The following PCSK9 variants were observed in gnomAD, a reference collection of about 807,000 sequenced individuals.
PCSK9 encodes convertase subtilisin/kexin type 9 preproprotein.
PCSK9 carries 57 observed loss-of-function variants against 62.1 expected under a neutral mutation model. The observed-to-expected ratio is 0.92, with a 90% CI of 0.74 to 1.14. The LOEUF is 1.14. PCSK9 is among the 50% of genes most tolerant of loss of function. The pLI is 0.00. For synonymous variants in PCSK9, 387 were observed against 409.4 expected, an observed-to-expected ratio of 0.95 and a Z score of 0.66; for missense variants, 870 against 959.8, an observed-to-expected ratio of 0.91 and a Z score of 1.24.
rs1644635525 is a variant in PCSK9 at position 55,046,508 on chromosome 1, C to T, written c.400-15C>T. The T allele has an allele frequency of 1.9e-6, 3 of 1,614,220 alleles. No individual in the cohort carries two copies. Among genetic ancestry groups the T allele is most frequent in the South Asian group, 1.1e-5 (1 of 91,090 alleles). ...TGGCTTAAGCAGAGTCCCCCGGCCTCTCTGGCTTCTGCAGGCCTTGAAGTT... is the reference window on the plus strand; with the variant it reads ...TGGCTTAAGCAGAGTCCCCCGGCCTTTCTGGCTTCTGCAGGCCTTGAAGTT... On this transcript the variant is annotated splice_polypyrimidine_tract_variant and intron_variant, in intron 2 of 11. Transcript: ENST00000302118.
intron 6 of PCSK9, 107 bp downstream of exon 6, chr1:55,056,296 T>A: frequency 8.2e-7 from 1 of 1,225,470 alleles, no homozygotes; most frequent in Non-Finnish European, 1.1e-6. Flanking sequence ...GGGCTTCTTG[T>A]GGCACGTTCC....
intron 3 of PCSK9, among the ~76,000 whole-genome samples, chr1:55,048,043 T>C (rs1644646648): frequency 6.6e-6 from 1 of 152,172 alleles, no homozygotes; most frequent in Non-Finnish European, 1.5e-5. Context: ...CTAGCACTGC[T>C]GTGACAAATT....
intron 3 of PCSK9, chr1:55,052,039 G>T: frequency 3.4e-6 from 2 of 583,500 alleles, no homozygotes; most frequent in Admixed American, 2.8e-5. Context: ...CTTGGCAGTA[G>T]CATTGCCAGC....
chr1:55,060,093 A>G (rs1183873032), intron 10 of PCSK9, among the ~76,000 whole-genome samples: 1 of 152,252 alleles, frequency 6.6e-6, no homozygotes, highest in Non-Finnish European at 1.5e-5. Flanking sequence ...ACATCTCTGT[A>G]TGAGGAAATG....
chr1:55,056,016 C>CGAATA lies in PCSK9; in HGVS notation c.823_824insGAATA (p.Gln275ArgfsTer74). The CGAATA allele has an allele frequency of 6.2e-7, 1 of 1,610,054 alleles. No homozygotes were observed. The highest frequency in any genetic ancestry group is 8.5e-7 in the Non-Finnish European group (1 of 1,177,620). ...AGGCCTGGAGTTTATTCGGAAAAGCCAGCTGGTCCAGCCTGTGGGGCCACT... is the reference window on the plus strand; with the variant it reads ...AGGCCTGGAGTTTATTCGGAAAAGCCGAATAAGCTGGTCCAGCCTGTGGGGCCACT... On this transcript the variant is annotated frameshift_variant, in exon 6 of 12. Transcript: ENST00000302118. LOFTEE classifies it high-confidence loss of function.
intron 11 of PCSK9, among the ~76,000 whole-genome samples, chr1:55,063,057 T>G (rs1644773678): frequency 6.6e-6 from 1 of 151,786 alleles, no homozygotes; most frequent in Admixed American, 6.6e-5. Context: ...TTAAGTGGGA[T>G]GGGGCAGGCT....
At position 55,063,772 on chromosome 1, in the gene PCSK9, C is replaced by T; in HGVS notation, c.*188C>T. 2 of 674,774 alleles carry T rather than the reference C, an allele frequency of 3.0e-6. No homozygotes were observed. The highest frequency in any genetic ancestry group is 4.9e-6 in the Non-Finnish European group (2 of 406,948). The allele number at this position is 674,774 out of a possible 1,614,324, so 41.8% of individuals were successfully genotyped here. A position where few individuals can be genotyped will look rare whatever the true frequency, so the allele number is the denominator to read the frequency against. ...CCTCCTTGCCTGGAACTCACTCACT[C>T]TGGGTGCCTCCTCCCCAGGTGGAGG... On this transcript the variant is annotated 3_prime_UTR_variant, in exon 12 of 12. Coordinates refer to ENST00000302118, the MANE Select transcript of PCSK9 (RefSeq NM_174936.4).
intron 2 of PCSK9, among the ~76,000 whole-genome samples, chr1:55,045,516 T>A (rs1255156311): frequency 6.6e-6 from 1 of 152,100 alleles, no homozygotes; most frequent in Non-Finnish European, 1.5e-5. Flanking sequence ...ATCCAGGGAC[T>A]AGTTGTGGCA....
At chr1:55,041,047 C>T (rs1644595260) in intron 1 of PCSK9, among the ~76,000 whole-genome samples, 1 of 152,208 alleles carries the variant, frequency 6.6e-6, no homozygotes, top group Non-Finnish European at 1.5e-5. Flanking sequence ...CTTGAGCCTC[C>T]ATTGCCTAAT....
chr1:55,059,719 C>A, intron 10 of PCSK9, 56 bp downstream of exon 10: 1 of 1,535,202 alleles, frequency 6.5e-7, no homozygotes, highest in Non-Finnish European at 8.8e-7. Flanking sequence ...CTTATGCACC[C>A]ACTGCCCGCG....
At chr1:55,054,250 G>C (rs190414826) in intron 5 of PCSK9, among the ~76,000 whole-genome samples, 1 of 152,188 alleles carries the variant, frequency 6.6e-6, no homozygotes, top group African/African-American at 2.4e-5. Flanking sequence ...CAGGCATGGT[G>C]GTGGGTGTCT....
Position 55,043,875 on chromosome 1 carries a change from G to A in PCSK9, c.240G>A (p.Val80=), listed in dbSNP as rs2100266566. ...DPWRLPGTYV[V]VLKEETHLSQ... ...GGAGGTTGCCTGGCACCTACGTGGT[G>A]GTGCTGAAGGAGGAGACCCACCTCT... The change falls in exon 2 of 12, where the codon GTG becomes GTA. Residue 80 remains valine, a synonymous_variant. Coordinates refer to ENST00000302118, the MANE Select transcript of PCSK9 (RefSeq NM_174936.4). 4.3e-6 allele frequency: 7 copies of A among 1,614,186 alleles called. No homozygotes were observed. The highest frequency in any genetic ancestry group is 5.9e-6 in the Non-Finnish European group (7 of 1,180,032).
rs28362215 is a variant in PCSK9, at chr1:55,042,539, G to A, written c.208-1304G>A. ...TTTGGCCCTAAGGCTTTGGGTAAAG[G>A]GGGTGGACTCTGTTCTACTCTGACT... On this transcript the variant is annotated intron_variant, in intron 1 of 11. Coordinates refer to ENST00000302118, the MANE Select transcript of PCSK9 (RefSeq NM_174936.4). Among the ~76,000 whole-genome samples, 389 of 152,278 alleles carry A rather than the reference G, an allele frequency of 2.6e-3. 3 individuals carry two copies. The highest frequency in any genetic ancestry group is 9.0e-3 in the African/African-American group (372 of 41,534).
intron 10 of PCSK9, among the ~76,000 whole-genome samples, chr1:55,060,435 C>T (rs1032714427): frequency 6.6e-6 from 1 of 152,130 alleles, no homozygotes; most frequent in East Asian, 1.9e-4. Context: ...GGTTTGGGAA[C>T]AGGAGAGTGA....
In PCSK9 at chr1:55,052,346, G is replaced by A. The variant is rs764087262; in HGVS notation, c.592G>A (p.Gly198Ser). 19 of 1,614,016 alleles carry A rather than the reference G, an allele frequency of 1.2e-5. No homozygotes were observed. Among genetic ancestry groups the A allele is most frequent in the East Asian group, 4.5e-5 (2 of 44,870 alleles). Reference protein sequence around the residue: ...SIQSDHREIEGRVMVTDFENV... With the variant: ...SIQSDHREIESRVMVTDFENV... ...ACAGAGTGACCACCGGGAAATCGAG[G>A]GCAGGGTCATGGTCACCGACTTCGA... The change falls in exon 4 of 12, where the codon GGC becomes AGC. Residue 198 changes from glycine (G) to serine (S), a missense_variant. By Grantham distance (56) the Gly-to-Ser change is moderately conservative. Coordinates refer to ENST00000302118, the MANE Select transcript of PCSK9 (RefSeq NM_174936.4).
At chr1:55,049,203 G>A (rs1203696510) in intron 3 of PCSK9, among the ~76,000 whole-genome samples, 3 of 152,244 alleles carry the variant, frequency 2.0e-5, no homozygotes, top group African/African-American at 7.2e-5. Context: ...ACCAGGCAAA[G>A]GGGACGGTGT....
At chr1:55,051,628 A>G (rs45576433) in intron 3 of PCSK9, 24,094 of 222,874 alleles carry the variant, frequency 0.11, 1,576 homozygotes, top group Non-Finnish European at 0.14. Context: ...CTTCTTGGAG[A>G]ATCCAAACTG....
rs1570310262 is a variant in PCSK9, at chr1:55,061,648, A to G, written c.1863+92A>G. The G allele has an allele frequency of 2.0e-5, 30 of 1,499,586 alleles. No homozygotes were observed. The South Asian group carries it at 3.1e-4, about 16-fold the overall frequency. 92.9% of individuals were successfully genotyped at this position (1,499,586 alleles called of 1,614,324 possible). On this transcript the variant is annotated intron_variant, in intron 11 of 11. Transcript: ENST00000302118. ...CAGTTTGTGCCACCACCATACCGCC[A>G]TGCATCAGGGTGGCGGTTTGCCAGG...
In PCSK9 at chr1:55,040,112, G is replaced by C; in HGVS notation, c.207+68G>C. On this transcript the variant is annotated intron_variant, in intron 1 of 11. Transcript: ENST00000302118. This position sits in a 1 kb window ranked among gnomAD's most constrained non-coding sequence, Gnocchi z 4.1. ...GGACGGTGCGGTGCTGTTTCCTCTC[G>C]GGCCTCAGTTTCCCCCCATGTAAGA... is the stretch of plus-strand genomic sequence containing the variant. 1 of 1,517,254 alleles carries C rather than the reference G, an allele frequency of 6.6e-7. No individual in the cohort carries two copies. Among genetic ancestry groups the C allele is most frequent in the South Asian group, 1.2e-5 (1 of 82,910 alleles). The allele number at this position is 1,517,254 out of a possible 1,614,324, so 94.0% of individuals were successfully genotyped here. A position where few individuals can be genotyped will look rare whatever the true frequency, so the allele number is the denominator to read the frequency against.
Sources: allele counts gnomAD v4.1 joint callset (sites outside exome capture counted in the v4.1 genomes callset), GRCh38; gene constraint gnomAD v4.1.1; non-coding constraint Gnocchi (gnomAD v3.1); transcripts MANE v1.5; gene names NCBI Gene and HGNC (gene_info 2026-07-23, HGNC 2026-07-21).